CCND1: variants seen among roughly 807,000 people sequenced by gnomAD.
CCND1 encodes the protein G1/S-specific cyclin-D1.
CCND1 carries 9 observed loss-of-function variants against 26.1 expected under a neutral mutation model. The ratio of observed to expected loss-of-function variants is 0.35; its 90% confidence interval spans 0.21 to 0.60. The LOEUF (loss-of-function observed/expected upper bound fraction) is 0.60, where lower values mean the gene tolerates loss of function less well. Among genes scored for constraint, CCND1 ranks in the 20% least tolerant of loss-of-function variants. CCND1 has a pLI of 0.79. For synonymous variants in CCND1, 194 were observed against 166.1 expected (o/e 1.17, Z -1.29); for missense variants, 335 against 392.9 (o/e 0.85, Z 1.25).
At position 69,641,179 on chromosome 11, in the gene CCND1, G is replaced by A. The variant is rs1309027057; in HGVS notation, c.-135G>A. 5 of 848,230 alleles carry A rather than the reference G, an allele frequency of 5.9e-6. No individual in the cohort carries two copies. The highest frequency in any genetic ancestry group is 9.6e-6 in the Non-Finnish European group (5 of 522,982). 52.5% of individuals were successfully genotyped at this position (848,230 alleles called of 1,614,324 possible). ...CCAGAGGGCTGTCGGCGCAGTAGCA[G>A]CGAGCAGCAGAGTCCGCACGCTCCG... On this transcript the variant is annotated 5_prime_UTR_variant, in exon 1 of 5. Transcript: ENST00000227507.
Position 69,643,222 on chromosome 11 carries a change from C to T in CCND1, c.390C>T (p.Asn130=), listed in dbSNP as rs2120090123. The change falls in exon 2 of 5, where the codon AAC becomes AAT. Residue 130 remains asparagine, a synonymous_variant. Transcript: ENST00000227507. ...AGAAGCTGTGCATCTACACCGACAA[C>T]TCCATCCGGCCCGAGGAGCTGCTGG... ...TAEKLCIYTD[N]SIRPEELLQM... is the part of the protein sequence containing the mutation. The T allele has an allele frequency of 6.3e-7, 1 of 1,593,828 alleles. No homozygotes were observed. The highest frequency in any genetic ancestry group is 1.1e-5 in the South Asian group (1 of 88,486).
At chr11:69,650,548 CG>C (rs1855840760) in intron 4 of CCND1, among the ~76,000 whole-genome samples, 1 of 152,144 alleles carries the variant, frequency 6.6e-6, no homozygotes, top group Admixed American at 6.5e-5. Flanking sequence ...TGGCTGGCCC[CG>C]GGGCACAGGC....
In CCND1 at chr11:69,653,515, C is replaced by T. The variant is rs1298592558; in HGVS notation, c.*2233C>T. ...TCACAATACCTCATGCTTCACTTAG[C>T]CATGGTGGACCCAGCGGGCAGGTTC... On this transcript the variant is annotated 3_prime_UTR_variant, in exon 5 of 5. Coordinates refer to ENST00000227507, the MANE Select transcript of CCND1 (RefSeq NM_053056.3). 2 of 561,492 alleles carry T rather than the reference C, an allele frequency of 3.6e-6. No individual in the cohort carries two copies. The highest frequency in any genetic ancestry group is 7.1e-5 in the Admixed American group (2 of 28,208). 34.8% of individuals were successfully genotyped at this position (561,492 alleles called of 1,614,324 possible). A position where few individuals can be genotyped will look rare whatever the true frequency, so the allele number is the denominator to read the frequency against.
intron 4 of CCND1, 39 bp from the exon 5 acceptor site, chr11:69,651,079 A>ACC: frequency 6.3e-7 from 1 of 1,588,438 alleles, no homozygotes; most frequent in Non-Finnish European, 8.6e-7. Flanking sequence ...CCTTCTAAGG[A>ACC]CCCCCTCTTC....
At chr11:69,650,974 AG>A in intron 4 of CCND1, 143 bp from the exon 5 acceptor site, 1 of 657,770 alleles carries the variant, frequency 1.5e-6, no homozygotes, top group Non-Finnish European at 2.5e-6. Context: ...GGTTCAGAGG[AG>A]GCAGCATGGG....
At chr11:69,644,460 G>C (rs948187630) in intron 3 of CCND1, among the ~76,000 whole-genome samples, 1 of 152,172 alleles carries the variant, frequency 6.6e-6, no homozygotes, top group Non-Finnish European at 1.5e-5. Context: ...GAGAGCTGTC[G>C]GCCTGCCTGC....
In CCND1 at chr11:69,652,135, A is replaced by G. The variant is rs569902409; in HGVS notation, c.*853A>G. ...TATAAAGAGAAGACGAAATAGTGAC[A>G]TAATATATTCTATTTTTATACTCTT... On this transcript the variant is annotated 3_prime_UTR_variant, in exon 5 of 5. Coordinates refer to ENST00000227507, the MANE Select transcript of CCND1 (RefSeq NM_053056.3). 15 of 233,670 alleles carry G rather than the reference A, an allele frequency of 6.4e-5. No individual in the cohort carries two copies. The East Asian group carries it at 8.4e-4, about 13-fold the overall frequency. 14.5% of individuals were successfully genotyped at this position (233,670 alleles called of 1,614,324 possible). A position where few individuals can be genotyped will look rare whatever the true frequency, so the allele number is the denominator to read the frequency against.
intron 3 of CCND1, 103 bp from the exon 4 acceptor site, chr11:69,647,891 C>A: frequency 2.9e-6 from 4 of 1,371,916 alleles, no homozygotes; most frequent in Non-Finnish European, 3.0e-6. Context: ...TCCCTTCAGG[C>A]CGGGCCGCTT....
At position 69,641,262 on chromosome 11, in the gene CCND1, G is replaced by C. The variant is rs2120079050; in HGVS notation, c.-52G>C. The C allele has an allele frequency of 1.3e-6, 2 of 1,550,070 alleles. No individual in the cohort carries two copies. The highest frequency in any genetic ancestry group is 1.1e-5 in the South Asian group (1 of 89,874). ...GCAGCAGAAGCGAGAGCCGAGCGCG[G>C]ACCCAGCCAGGACCCACAGCCCTCC... On this transcript the variant is annotated 5_prime_UTR_variant, in exon 1 of 5. Transcript: ENST00000227507.
rs1449084656 is a variant in CCND1 at position 69,643,016 on chromosome 11, C to G, written c.199-15C>G. On this transcript the variant is annotated splice_polypyrimidine_tract_variant and intron_variant, in intron 1 of 4. Coordinates refer to ENST00000227507, the MANE Select transcript of CCND1 (RefSeq NM_053056.3). ...CGACCTGGCGGCGGCGGTCACGGGC[C>G]CCGTGCCTCCGTAGGTCTGCGAGGA... is the stretch of plus-strand genomic sequence containing the variant. 6.5e-7 allele frequency: 1 copy of G among 1,543,722 alleles called. No homozygotes were observed. Among genetic ancestry groups the G allele is most frequent in the Non-Finnish European group, 8.7e-7 (1 of 1,144,242 alleles).
rs1419585038 is a variant in CCND1, at chr11:69,643,110, C to G, written c.278C>G (p.Pro93Arg). 1 of 1,611,190 alleles carries G rather than the reference C, an allele frequency of 6.2e-7. No homozygotes were observed. Among genetic ancestry groups the G allele is most frequent in the Non-Finnish European group, 8.5e-7 (1 of 1,179,134 alleles). ...CTGGACCGCTTCCTGTCGCTGGAGC[C>G]CGTGAAAAAGAGCCGCCTGCAGCTG... Reference protein sequence around the residue: ...NYLDRFLSLEPVKKSRLQLLG... With the variant: ...NYLDRFLSLERVKKSRLQLLG... The change falls in exon 2 of 5, where the codon CCC becomes CGC. Residue 93 changes from proline (P) to arginine (R), a missense_variant. Transcript: ENST00000227507.
chr11:69,653,511 T>C lies in CCND1; in HGVS notation c.*2229T>C, dbSNP rs889752561. 3.5e-6 allele frequency: 2 copies of C among 567,776 alleles called. No homozygotes were observed. The highest frequency in any genetic ancestry group is 1.9e-5 in the African/African-American group (1 of 51,428). 35.2% of individuals were successfully genotyped at this position (567,776 alleles called of 1,614,324 possible). Reference sequence around the variant, plus strand: ...TGTTTCACAATACCTCATGCTTCACTTAGCCATGGTGGACCCAGCGGGCAG... The same window carrying C: ...TGTTTCACAATACCTCATGCTTCACCTAGCCATGGTGGACCCAGCGGGCAG... On this transcript the variant is annotated 3_prime_UTR_variant, in exon 5 of 5. Transcript: ENST00000227507.
intron 4 of CCND1, among the ~76,000 whole-genome samples, chr11:69,648,833 T>C (rs542879581): frequency 6.6e-6 from 1 of 151,948 alleles, no homozygotes; most frequent in Admixed American, 6.6e-5. Flanking sequence ...AAGACCCGTT[T>C]TGGCTCTGGC....
intron 3 of CCND1, chr11:69,644,192 T>G: frequency 1.6e-6 from 1 of 615,014 alleles, no homozygotes; most frequent in Non-Finnish European, 2.9e-6. Flanking sequence ...ATTTGCTCCC[T>G]CACGGCCACC....
rs932016436 is a variant in CCND1, at chr11:69,653,267, C to T, written c.*1985C>T. 32 of 701,860 alleles carry T rather than the reference C, an allele frequency of 4.6e-5. No individual in the cohort carries two copies. The highest frequency in any genetic ancestry group is 3.4e-4 in the Admixed American group (17 of 49,746). The allele number at this position is 701,860 out of a possible 1,614,324, so 43.5% of individuals were successfully genotyped here. ...CGCTGCTACCGTTGACTTCCAGGCA[C>T]GGTTTGGAAATATTCACATCGCTTC... On this transcript the variant is annotated 3_prime_UTR_variant, in exon 5 of 5. Transcript: ENST00000227507.
At position 69,647,988 on chromosome 11, in the gene CCND1, C is replaced by T. The variant is rs1565072692; in HGVS notation, c.575-6C>T. 1.2e-6 allele frequency: 2 copies of T among 1,613,608 alleles called. No homozygotes were observed. On this transcript the variant is annotated splice_polypyrimidine_tract_variant and splice_region_variant and intron_variant, in intron 3 of 4. Coordinates refer to ENST00000227507, the MANE Select transcript of CCND1 (RefSeq NM_053056.3). Reference sequence around the variant, plus strand: ...CAGCCTCCTTCCCTCTCTCCTTCTGCCTCAGATGTGAAGTTCATTTCCAAT... The same window carrying T: ...CAGCCTCCTTCCCTCTCTCCTTCTGTCTCAGATGTGAAGTTCATTTCCAAT...
At chr11:69,641,567 C>T (rs2120082406) in intron 1 of CCND1, 56 bp downstream of exon 1, 1 of 1,557,622 alleles carries the variant, frequency 6.4e-7, no homozygotes, top group Non-Finnish European at 8.8e-7. Flanking sequence ...TGCCCAGACC[C>T]ACGTTTCTTT....
chr11:69,653,543 C>G lies in CCND1; in HGVS notation c.*2261C>G. Reference sequence around the variant, plus strand: ...TGGTGGACCCAGCGGGCAGGTTCTGCCTGCTTTGGCGGGCAGACACGCGGG... The same window carrying G: ...TGGTGGACCCAGCGGGCAGGTTCTGGCTGCTTTGGCGGGCAGACACGCGGG... On this transcript the variant is annotated 3_prime_UTR_variant, in exon 5 of 5. Transcript: ENST00000227507. The G allele has an allele frequency of 1.8e-6, 1 of 549,334 alleles. No individual in the cohort carries two copies. The highest frequency in any genetic ancestry group is 3.2e-6 in the Non-Finnish European group (1 of 314,030). The allele number at this position is 549,334 out of a possible 1,614,324, so 34.0% of individuals were successfully genotyped here.
chr11:69,643,974 T>C lies in CCND1; in HGVS notation c.557T>C (p.Val186Ala), dbSNP rs2120095114. The C allele has an allele frequency of 2.5e-6, 4 of 1,613,352 alleles. No individual in the cohort carries two copies. The highest frequency in any genetic ancestry group is 2.2e-5 in the East Asian group (1 of 44,864). ...QIIRKHAQTF[V>A]ALCATDVKFI... Reference sequence around the variant, plus strand: ...ATCCGCAAACACGCGCAGACCTTCGTTGCCCTCTGTGCCACAGGTAGGGCA... The same window carrying C: ...ATCCGCAAACACGCGCAGACCTTCGCTGCCCTCTGTGCCACAGGTAGGGCA... Residue 186 changes from valine to alanine, a missense_variant, in exon 3 of 5, where the codon GTT becomes GCT. By Grantham distance (64) the Val-to-Ala change is moderately conservative (BLOSUM62 0). Transcript: ENST00000227507.
Sources: allele counts gnomAD v4.1 joint callset (sites outside exome capture counted in the v4.1 genomes callset), GRCh38; gene constraint gnomAD v4.1.1; transcripts MANE v1.5; gene names NCBI Gene and HGNC (gene_info 2026-07-23, HGNC 2026-07-21).